The following LSM11 variants were observed in gnomAD, a reference collection of about 807,000 sequenced individuals.
The protein encoded by LSM11 is U7 snRNA-associated Sm-like protein LSm11.
A neutral mutation model predicts 28.1 loss-of-function variants in LSM11; 14 were observed. That is an observed-to-expected ratio of 0.50 (90% confidence interval 0.33 to 0.78). LSM11 has a LOEUF of 0.78. LSM11 is among the 30% of genes least tolerant of loss of function. The pLI is 0.02. For missense variants in LSM11, 495 were observed against 510.6 expected (o/e 0.97, Z 0.30); for synonymous variants, 207 against 214.2 (o/e 0.97, Z 0.30).
In LSM11 at chr5:157,755,618, A is replaced by C. The variant is rs1761312615; in HGVS notation, c.*354A>C. 1.2e-5 allele frequency: 5 copies of C among 431,162 alleles called. No individual in the cohort carries two copies. Among genetic ancestry groups the C allele is most frequent in the Middle Eastern group, 5.8e-4 (1 of 1,724 alleles). The allele number at this position is 431,162 out of a possible 1,614,324, so 26.7% of individuals were successfully genotyped here. On this transcript the variant is annotated 3_prime_UTR_variant, in exon 4 of 4. Transcript: ENST00000286307. ...ATACTATAGGGGAAAGAAAAGTCTC[A>C]AAAAGAAGTATTGCATGTCTAAAAG...
intron 1 of LSM11, among the ~76,000 whole-genome samples, chr5:157,744,634 G>A (rs1488343609): frequency 6.6e-6 from 1 of 152,106 alleles, no homozygotes; most frequent in East Asian, 1.9e-4. Context: ...AGAGGTCTTA[G>A]AGACCACAGT....
rs188473443 is a variant in LSM11 at position 157,751,677 on chromosome 5, C to G, written c.588+148C>G. 8.0e-5 allele frequency: 71 copies of G among 884,702 alleles called. 1 individual carries two copies. In the Admixed American group the frequency reaches 1.4e-3, roughly 18 times the overall value. The allele number at this position is 884,702 out of a possible 1,614,324, so 54.8% of individuals were successfully genotyped here. On this transcript the variant is annotated intron_variant, in intron 2 of 3. Coordinates refer to ENST00000286307, the MANE Select transcript of LSM11 (RefSeq NM_173491.4). Reference sequence around the variant, plus strand: ...ATTTTTGCATACTTTTGGGCAACAACAAGAAAAGGTCTTTTTATTGCTTCC... The same window carrying G: ...ATTTTTGCATACTTTTGGGCAACAAGAAGAAAAGGTCTTTTTATTGCTTCC...
Position 157,758,573 on chromosome 5 carries a change from A to G in LSM11, c.*3309A>G, listed in dbSNP as rs1218020412. 6.6e-6 allele frequency: 1 copy of G among 152,226 alleles called. No individual in the cohort carries two copies. The highest frequency in any genetic ancestry group is 2.4e-5 in the African/African-American group (1 of 41,466). 9.4% of individuals were successfully genotyped at this position (152,226 alleles called of 1,614,324 possible). On this transcript the variant is annotated 3_prime_UTR_variant, in exon 4 of 4. Transcript: ENST00000286307. ...GAAAGAAAATGAGGAACATAATGAT[A>G]GAGTCGGGGAACTCCCACTAGCTCA...
rs1554095390 is a variant in LSM11 at position 157,749,604 on chromosome 5, A to ACACACC, written c.449-1783_449-1782insACCCAC. ...CGCACGCGCGCACACACACACACAC[A>ACACACC]CACCCACACACCCATACACACCCTT... is the stretch of plus-strand genomic sequence containing the variant. On this transcript the variant is annotated intron_variant, in intron 1 of 3. Transcript: ENST00000286307. Among the ~76,000 whole-genome samples, 21 of 151,794 alleles carry ACACACC rather than the reference A, an allele frequency of 1.4e-4. No homozygotes were observed. In the East Asian group the frequency reaches 1.6e-3, roughly 11 times the overall value.
rs769770410 is a variant in LSM11, at chr5:157,755,155, G to A, written c.974G>A (p.Arg325His). The change falls in exon 4 of 4, where the codon CGT becomes CAT. Residue 325 changes from arginine to histidine, a missense_variant. Coordinates refer to ENST00000286307, the MANE Select transcript of LSM11 (RefSeq NM_173491.4). ...ACCACCCTTTCCAGAGGCCAGTCCC[G>A]TAAGAAAAAGCGAAAGCCCAAAGTG... is the stretch of plus-strand genomic sequence containing the variant. The part of the protein sequence containing the change: ...RATTLSRGQS[R>H]KKKRKPKVDY... 1.9e-5 allele frequency: 31 copies of A among 1,614,194 alleles called. No homozygotes were observed. The highest frequency in any genetic ancestry group is 1.6e-4 in the Middle Eastern group (1 of 6,062).
At chr5:157,752,119 G>C (rs552573540) in intron 2 of LSM11, among the ~76,000 whole-genome samples, 24 of 151,920 alleles carry the variant, frequency 1.6e-4, no homozygotes, top group African/African-American at 5.3e-4. Context: ...AATAAGGATA[G>C]AGGTGAAGCA....
chr5:157,750,588 G>A (rs1016213736), intron 1 of LSM11, among the ~76,000 whole-genome samples: 11 of 152,132 alleles, frequency 7.2e-5, no homozygotes, highest in South Asian at 6.2e-4. Flanking sequence ...GCTTTGGTGG[G>A]GTCAAAGGCC....
At chr5:157,751,023 C>T (rs549879779) in intron 1 of LSM11, among the ~76,000 whole-genome samples, 5 of 152,160 alleles carry the variant, frequency 3.3e-5, no homozygotes, top group Non-Finnish European at 7.3e-5. Flanking sequence ...CTCAGGTGAT[C>T]CGCCCACCTC....
intron 1 of LSM11, 61 bp downstream of exon 1, chr5:157,744,259 G>A: frequency 1.7e-6 from 2 of 1,181,012 alleles, no homozygotes; most frequent in East Asian, 3.2e-5. Flanking sequence ...GCTGCCGAGG[G>A]GGCGTCTGCG....
At chr5:157,751,651 A>C in intron 2 of LSM11, 122 bp downstream of exon 2, 1 of 1,123,708 alleles carries the variant, frequency 8.9e-7, no homozygotes, top group Non-Finnish European at 1.3e-6. Context: ...GAAGAACTAG[A>C]ATTTTTGCAT....
chr5:157,753,285 A>G (rs1761270995), intron 2 of LSM11, among the ~76,000 whole-genome samples: 1 of 152,042 alleles, frequency 6.6e-6, no homozygotes, highest in Admixed American at 6.6e-5. Context: ...CTCATTTCCA[A>G]AATGCAGGGA....
rs1761386134 is a variant in LSM11, at chr5:157,759,981, G to A, written c.*4717G>A. The A allele has an allele frequency of 6.6e-6, 1 of 152,232 alleles. No individual in the cohort carries two copies. Among genetic ancestry groups the A allele is most frequent in the South Asian group, 2.1e-4 (1 of 4,830 alleles). 9.4% of individuals were successfully genotyped at this position (152,232 alleles called of 1,614,324 possible). A position where few individuals can be genotyped will look rare whatever the true frequency, so the allele number is the denominator to read the frequency against. ...AGCTCTCTGACAAGAAATAGTTCTG[G>A]ATGGTTTGAAGATCTGCGGGGAAAA... On this transcript the variant is annotated 3_prime_UTR_variant, in exon 4 of 4. Coordinates refer to ENST00000286307, the MANE Select transcript of LSM11 (RefSeq NM_173491.4).
At chr5:157,744,364 T>C (rs1761114222) in intron 1 of LSM11, among the ~76,000 whole-genome samples, 166 bp downstream of exon 1, 2 of 151,936 alleles carry the variant, frequency 1.3e-5, no homozygotes, top group African/African-American at 4.8e-5. Flanking sequence ...TGGATCTGCT[T>C]GAGTAATGTG....
At chr5:157,753,895 T>C in intron 2 of LSM11, 109 bp from the exon 3 acceptor site, 1 of 657,688 alleles carries the variant, frequency 1.5e-6, no homozygotes, top group Non-Finnish European at 2.4e-6. Flanking sequence ...TTAAGTGTAG[T>C]TCTGCTCTGA....
rs116343284 is a variant in LSM11 at position 157,751,846 on chromosome 5, G to A, written c.588+317G>A. On this transcript the variant is annotated intron_variant, in intron 2 of 3. Coordinates refer to ENST00000286307, the MANE Select transcript of LSM11 (RefSeq NM_173491.4). ...CATCTAATTGGTAGAGGCCAGGGTT[G>A]CAGCTAAACAGTCTACAACACACAA... Among the ~76,000 whole-genome samples the A allele has an allele frequency of 9.3e-3, 1,411 of 152,246 alleles. 6 individuals carry two copies. Among genetic ancestry groups the A allele is most frequent in the Non-Finnish European group, 0.014 (946 of 68,020 alleles).
At chr5:157,750,037 T>C (rs552318060) in intron 1 of LSM11, among the ~76,000 whole-genome samples, 2 of 152,210 alleles carry the variant, frequency 1.3e-5, no homozygotes, top group Non-Finnish European at 2.9e-5. Context: ...AAATAAACTT[T>C]CTACAGAATT....
At chr5:157,747,152 T>C (rs1761161103) in intron 1 of LSM11, among the ~76,000 whole-genome samples, 1 of 152,198 alleles carries the variant, frequency 6.6e-6, no homozygotes, top group African/African-American at 2.4e-5. Flanking sequence ...CTTTTCCACA[T>C]AATTCTAGTG....
rs1761347421 is a variant in LSM11, at chr5:157,757,655, A to T, written c.*2391A>T. The T allele has an allele frequency of 6.6e-6, 1 of 152,190 alleles. No homozygotes were observed. Among genetic ancestry groups the T allele is most frequent in the Non-Finnish European group, 1.5e-5 (1 of 68,026 alleles). 9.4% of individuals were successfully genotyped at this position (152,190 alleles called of 1,614,324 possible). A position where few individuals can be genotyped will look rare whatever the true frequency, so the allele number is the denominator to read the frequency against. ...TAGTGTATCTGAAATCTCAGTTCCC[A>T]AAATAGTTGTCAGGTTTAATCATCA... On this transcript the variant is annotated 3_prime_UTR_variant, in exon 4 of 4. Transcript: ENST00000286307.
At chr5:157,746,903 G>A (rs567710778) in intron 1 of LSM11, among the ~76,000 whole-genome samples, 4 of 152,010 alleles carry the variant, frequency 2.6e-5, no homozygotes, top group Admixed American at 6.5e-5. Context: ...GGTGATACGA[G>A]GTCTCAAAAA....
Sources: gnomAD v4.1 joint callset for allele counts (sites outside exome capture counted in the v4.1 genomes callset) on GRCh38, gnomAD v4.1.1 for gene constraint, MANE v1.5 for transcripts, NCBI Gene and HGNC (gene_info 2026-07-23, HGNC 2026-07-21) for gene names.